The following ELP4 variants were observed in gnomAD, a reference collection of about 807,000 sequenced individuals.
ELP4 encodes elongator complex protein 4.
A neutral mutation model predicts 48.9 loss-of-function variants in ELP4; 51 were observed. That is an observed-to-expected ratio of 1.04 (90% CI 0.83 to 1.32). The LOEUF is 1.32. Among genes scored for constraint, ELP4 ranks in the 40% most tolerant of loss-of-function variants. The pLI, the probability that ELP4 is intolerant of heterozygous loss-of-function variation, is 0.00. For synonymous variants in ELP4, 210 were observed against 189.2 expected, an observed-to-expected ratio of 1.11 and a Z score of -0.90; for missense variants, 519 against 514.6, an observed-to-expected ratio of 1.01 and a Z score of -0.08.
At chr11:31,706,235 C>A (rs941960928) in intron 9 of ELP4, among the ~76,000 whole-genome samples, 3 of 151,842 alleles carry the variant, frequency 2.0e-5, no homozygotes, top group African/African-American at 7.3e-5. Flanking sequence ...TCATCTCAAA[C>A]GTTTATTATT....
rs779530267 is a variant in ELP4 at position 31,509,999 on chromosome 11, A to G, written c.215A>G (p.Gln72Arg). The G allele has an allele frequency of 9.9e-6, 16 of 1,611,200 alleles. No homozygotes were observed. The highest frequency in any genetic ancestry group is 3.3e-5 in the Admixed American group (2 of 60,006). The part of the protein sequence containing the change: ...LVSTGLPALD[Q>R]LLGGGLAVGT... ...TCAACCGGGCTCCCAGCCCTAGACC[A>G]GCTCTTAGGTCGGTTCAGAGCGGAG... Residue 72 changes from glutamine to arginine, a missense_variant, in exon 1 of 10, where the codon CAG becomes CGG. By Grantham distance (43) the Gln-to-Arg change is conservative. Coordinates refer to ENST00000640961, the MANE Select transcript of ELP4 (RefSeq NM_019040.5).
At chr11:31,729,130 G>A (rs1947133958) in intron 9 of ELP4, among the ~76,000 whole-genome samples, 1 of 152,116 alleles carries the variant, frequency 6.6e-6, no homozygotes, top group Non-Finnish European at 1.5e-5. Context: ...ACAGAATATT[G>A]TAATTGTAGC....
chr11:31,579,666 TG>T (rs1267932329), intron 3 of ELP4, among the ~76,000 whole-genome samples: 1 of 151,806 alleles, frequency 6.6e-6, no homozygotes, highest in Non-Finnish European at 1.5e-5. Flanking sequence ...ACCATCATTC[TG>T]AGCAAAGTAT....
intron 2 of ELP4, among the ~76,000 whole-genome samples, chr11:31,522,255 AT>A (rs1956225312): frequency 6.6e-6 from 1 of 152,168 alleles, no homozygotes; most frequent in Non-Finnish European, 1.5e-5. Flanking sequence ...TGAGAAAATT[AT>A]TTACATGTTT....
intron 9 of ELP4, chr11:31,681,933 G>T (rs1268270354): frequency 2.3e-6 from 1 of 431,038 alleles, no homozygotes. Flanking sequence ...TAGAGATGGG[G>T]TTCCACCATG....
intron 2 of ELP4, among the ~76,000 whole-genome samples, chr11:31,528,419 C>G (rs1956334187): frequency 6.6e-6 from 1 of 152,130 alleles, no homozygotes; most frequent in African/African-American, 2.4e-5. Flanking sequence ...TTGCCCTAAT[C>G]TAAACATGAG....
chr11:31,638,918 G>A (rs1945033064), intron 7 of ELP4, among the ~76,000 whole-genome samples: 1 of 151,718 alleles, frequency 6.6e-6, no homozygotes, highest in South Asian at 2.1e-4. Context: ...ATAATTGCAT[G>A]GTGAAGAAAA....
intron 7 of ELP4, among the ~76,000 whole-genome samples, chr11:31,640,195 C>T (rs549503303): frequency 6.6e-6 from 1 of 152,004 alleles, no homozygotes; most frequent in Admixed American, 6.6e-5. Context: ...AAACTATCTT[C>T]TATATCACTT....
chr11:31,584,617 C>T (rs1957444558), intron 3 of ELP4, among the ~76,000 whole-genome samples: 1 of 151,992 alleles, frequency 6.6e-6, no homozygotes, highest in Admixed American at 6.6e-5. Context: ...CAACCTCCAC[C>T]CCCGGGTTCA....
At chr11:31,629,729 C>G (rs1944818005) in intron 6 of ELP4, among the ~76,000 whole-genome samples, 1 of 150,248 alleles carries the variant, frequency 6.7e-6, no homozygotes, top group Admixed American at 6.6e-5. Context: ...TTATCCTGCT[C>G]TCCTTTTACC....
intron 5 of ELP4, among the ~76,000 whole-genome samples, chr11:31,624,606 A>AT (rs1232676046): frequency 6.6e-6 from 1 of 151,708 alleles, no homozygotes; most frequent in Non-Finnish European, 1.5e-5. Context: ...GCTACACTAA[A>AT]TTTACTAAAA....
intron 9 of ELP4, among the ~76,000 whole-genome samples, chr11:31,666,687 G>C: frequency 1.1e-5 from 1 of 90,714 alleles, no homozygotes; most frequent in East Asian, 3.4e-4. Flanking sequence ...GTGAGATTCT[G>C]TCTCAAAAAA....
At chr11:31,616,533 T>G (rs1395160350) in intron 5 of ELP4, among the ~76,000 whole-genome samples, 2 of 152,054 alleles carry the variant, frequency 1.3e-5, no homozygotes, top group African/African-American at 4.8e-5. Flanking sequence ...TTCTTGGATA[T>G]GACACCAAAA....
chr11:31,595,808 T>C (rs1251536198), intron 4 of ELP4, among the ~76,000 whole-genome samples: 1 of 152,192 alleles, frequency 6.6e-6, no homozygotes, highest in Non-Finnish European at 1.5e-5. Flanking sequence ...CAAACCTGTT[T>C]GATATTATAA....
chr11:31,537,836 C>A (rs1035328387), intron 2 of ELP4, among the ~76,000 whole-genome samples: 3 of 152,050 alleles, frequency 2.0e-5, no homozygotes, highest in African/African-American at 7.2e-5. Context: ...GGACACAGAC[C>A]CAAACCATAT....
At chr11:31,600,293 C>T (rs992845785) in intron 4 of ELP4, 1 of 152,158 alleles carries the variant, frequency 6.6e-6, no homozygotes, top group African/African-American at 2.4e-5. Context: ...AACCACTATT[C>T]CTGACTCACT....
At chr11:31,630,821 C>T (rs1036576256) in intron 6 of ELP4, among the ~76,000 whole-genome samples, 16 of 151,858 alleles carry the variant, frequency 1.1e-4, no homozygotes, top group African/African-American at 2.9e-4. Context: ...GGCACATGCA[C>T]GTAGTCCCAG....
chr11:31,750,689 C>CAGT (rs1002132324), intron 9 of ELP4, among the ~76,000 whole-genome samples: 3 of 152,176 alleles, frequency 2.0e-5, no homozygotes, highest in African/African-American at 7.2e-5. Context: ...AGCCCTGAAA[C>CAGT]AGTAAGAAAT....
intron 9 of ELP4, among the ~76,000 whole-genome samples, chr11:31,656,702 A>G (rs1221904366): frequency 6.6e-6 from 1 of 152,020 alleles, no homozygotes; most frequent in African/African-American, 2.4e-5. Context: ...GGTTACCTGT[A>G]ATGCAGTTAT....
Sources: gnomAD v4.1 joint callset for allele counts (sites outside exome capture counted in the v4.1 genomes callset) on GRCh38, gnomAD v4.1.1 for gene constraint, MANE v1.5 for transcripts, NCBI Gene and HGNC (gene_info 2026-07-23, HGNC 2026-07-21) for gene names.